The following NUP98 variants were observed in gnomAD, a reference collection of about 807,000 sequenced individuals.
NUP98 encodes the protein nuclear pore complex protein Nup98-Nup96.
A neutral mutation model predicts 191.9 loss-of-function variants in NUP98; 26 were observed. That is an observed-to-expected ratio of 0.14 (90% CI 0.10 to 0.19). The LOEUF (loss-of-function observed/expected upper bound fraction) is 0.19, where lower values mean the gene tolerates loss of function less well. Ranked by LOEUF, NUP98 falls within the 10% of genes least tolerant of loss-of-function variation. The pLI is 1.00. For missense variants in NUP98, 1,941 were observed against 2,178.8 expected (o/e 0.89, Z 2.17); for synonymous variants, 808 against 778.4 (o/e 1.04, Z -0.63).
chr11:3,688,865 T>G (rs2078216905), intron 28 of NUP98, among the ~76,000 whole-genome samples: 1 of 143,458 alleles, frequency 7.0e-6, no homozygotes, highest in African/African-American at 2.7e-5. Flanking sequence ...ACCTTGAAGA[T>G]TTGAAATGAG....
At position 3,706,638 on chromosome 11, in the gene NUP98, C is replaced by A; in HGVS notation, c.2743-11G>T. On this transcript the variant is annotated splice_polypyrimidine_tract_variant and intron_variant, in intron 20 of 32. Transcript: ENST00000324932. ...CTCTGGGCTCTGGCTCTGTAGACAG[C>A]AGAAAGATCAGGAAAGCAGCATTAA... 4 of 1,610,310 alleles carry A rather than the reference C, an allele frequency of 2.5e-6. No homozygotes were observed. The highest frequency in any genetic ancestry group is 3.4e-6 in the Non-Finnish European group (4 of 1,178,208).
chr11:3,712,739 G>C lies in NUP98; in HGVS notation c.2578-11C>G. On this transcript the variant is annotated splice_polypyrimidine_tract_variant and intron_variant, in intron 19 of 32. Coordinates refer to ENST00000324932, the MANE Select transcript of NUP98 (RefSeq NM_016320.5). ...AGAAAAATGGGAGACCTAAGGAAGA[G>C]AAGAACCCCACAAAACAACTTAAAC... is the stretch of plus-strand genomic sequence containing the variant. 2 of 1,610,640 alleles carry C rather than the reference G, an allele frequency of 1.2e-6. No homozygotes were observed. The highest frequency in any genetic ancestry group is 1.7e-6 in the Non-Finnish European group (2 of 1,179,470).
chr11:3,788,750 C>A (rs1187874961), intron 1 of NUP98, among the ~76,000 whole-genome samples: 1 of 152,076 alleles, frequency 6.6e-6, no homozygotes, highest in Non-Finnish European at 1.5e-5. Context: ...AGTTCAAGAC[C>A]AGCCTGAGAA....
At chr11:3,691,258 G>C (rs999682125) in intron 28 of NUP98, 89 bp downstream of exon 28, 2 of 1,400,676 alleles carry the variant, frequency 1.4e-6, no homozygotes, top group Non-Finnish European at 2.0e-6. Context: ...CAGCAATCTG[G>C]GGACATATAA....
At chr11:3,718,128 A>G (rs2079253294) in intron 18 of NUP98, among the ~76,000 whole-genome samples, 1 of 152,196 alleles carries the variant, frequency 6.6e-6, no homozygotes, top group Admixed American at 6.5e-5. Context: ...TTTTTGGAAG[A>G]GTCTGAGTAG....
intron 20 of NUP98, among the ~76,000 whole-genome samples, chr11:3,707,717 C>A (rs2078899504): frequency 2.7e-5 from 2 of 75,000 alleles, no homozygotes; most frequent in East Asian, 6.3e-4. Context: ...CCAGCATGGG[C>A]AACAGAATGA....
intron 22 of NUP98, among the ~76,000 whole-genome samples, 158 bp from the exon 23 acceptor site, chr11:3,703,050 T>C (rs1201789352): frequency 3.3e-5 from 5 of 152,246 alleles, no homozygotes; most frequent in Non-Finnish European, 5.9e-5. Flanking sequence ...AAGTCAGATT[T>C]TGCAGAAATT....
intron 4 of NUP98, among the ~76,000 whole-genome samples, chr11:3,776,933 T>C (rs1463414396): frequency 2.0e-5 from 3 of 152,208 alleles, no homozygotes; most frequent in African/African-American, 7.2e-5. Context: ...AATACTTTGT[T>C]TCATCATAAA....
At chr11:3,727,989 C>A (rs1036369749) in intron 14 of NUP98, among the ~76,000 whole-genome samples, 1 of 152,066 alleles carries the variant, frequency 6.6e-6, no homozygotes, top group African/African-American at 2.4e-5. Context: ...CCACCGCACT[C>A]CAGCCTGGGT....
chr11:3,693,741 A>G (rs1431799066), intron 26 of NUP98, among the ~76,000 whole-genome samples: 1 of 152,192 alleles, frequency 6.6e-6, no homozygotes, highest in Non-Finnish European at 1.5e-5. Context: ...AGAGCCATTG[A>G]GAGCAGAGAG....
chr11:3,785,433 A>C (rs1333106849), intron 1 of NUP98, among the ~76,000 whole-genome samples: 1 of 152,174 alleles, frequency 6.6e-6, no homozygotes, highest in Non-Finnish European at 1.5e-5. Flanking sequence ...ACATAATCAG[A>C]GAAAGAACAT....
intron 2 of NUP98, among the ~76,000 whole-genome samples, chr11:3,779,581 C>T (rs1430011576): frequency 2.0e-5 from 3 of 150,560 alleles, no homozygotes; most frequent in Admixed American, 6.6e-5. Flanking sequence ...GCAGAGGTTT[C>T]GGTGAGCCAA....
At chr11:3,749,711 G>C (rs984155104) in intron 11 of NUP98, among the ~76,000 whole-genome samples, 13 of 151,838 alleles carry the variant, frequency 8.6e-5, no homozygotes, top group African/African-American at 3.1e-4. Flanking sequence ...CCAACACTAT[G>C]AACAGAGAAC....
chr11:3,760,602 T>C lies in NUP98; in HGVS notation c.1111A>G (p.Thr371Ala), dbSNP rs2081131335. ...GSTLFGNNKL[T>A]TFGSSTTSAP... The stretch of plus-strand genomic sequence containing the variant: ...CTGGTTGTGCTGCTTCCAAATGTAG[T>C]AAGCTTGTTATTGCCAAACAGGGTC... Residue 371 changes from threonine (T) to alanine (A), a missense_variant, in exon 10 of 33, where the codon ACT becomes GCT. Coordinates refer to ENST00000324932, the MANE Select transcript of NUP98 (RefSeq NM_016320.5). The C allele has an allele frequency of 1.2e-6, 2 of 1,613,374 alleles. No homozygotes were observed. Among genetic ancestry groups the C allele is most frequent in the East Asian group, 4.5e-5 (2 of 44,878 alleles).
Position 3,728,015 on chromosome 11 carries a change from C to T in NUP98, c.1731-2796G>A, listed in dbSNP as rs114049450. ...CAGCCTGGGTGACAGAGTAAGACCC[C>T]GTCTCAAAAACAAAAAAATAAACCA... is the stretch of plus-strand genomic sequence containing the variant. On this transcript the variant is annotated intron_variant, in intron 14 of 32. Transcript: ENST00000324932. Among the ~76,000 whole-genome samples, 1,042 of 152,060 alleles carry T rather than the reference C, an allele frequency of 6.9e-3. 9 individuals carry two copies. The highest frequency in any genetic ancestry group is 0.024 in the African/African-American group (995 of 41,454).
rs752329342 is a variant in NUP98 at position 3,702,580 on chromosome 11, G to A, written c.3395C>T (p.Pro1132Leu). The change falls in exon 23 of 33, where the codon CCC becomes CTC. Residue 1132 changes from proline (P) to leucine (L), a missense_variant. Pro to Leu is a moderately conservative substitution (Grantham distance 98). Coordinates refer to ENST00000324932, the MANE Select transcript of NUP98 (RefSeq NM_016320.5). The part of the protein sequence containing the change: ...MGRSFRVGWG[P>L]NWTLANSGEQ... ...TCCACTATTAGCAAGAGTCCAGTTG[G>A]GGCCCCAACCAACACGAAATGAGCG... The A allele has an allele frequency of 2.5e-6, 4 of 1,613,910 alleles. No individual in the cohort carries two copies. The South Asian group carries it at 4.4e-5, about 18-fold the overall frequency.
At position 3,720,881 on chromosome 11, in the gene NUP98, A is replaced by G. The variant is rs2079367517; in HGVS notation, c.2147-56T>C. 2.4e-5 allele frequency: 18 copies of G among 744,234 alleles called. No individual in the cohort carries two copies. In the South Asian group the frequency reaches 2.9e-4, roughly 12 times the overall value. The allele number at this position is 744,234 out of a possible 1,614,324, so 46.1% of individuals were successfully genotyped here. A position where few individuals can be genotyped will look rare whatever the true frequency, so the allele number is the denominator to read the frequency against. Reference sequence around the variant, plus strand: ...AAAAAATAACCTGAAATAATCAGCAACTAAATCATCATATAAAGAGAAAAT... The same window carrying G: ...AAAAAATAACCTGAAATAATCAGCAGCTAAATCATCATATAAAGAGAAAAT... On this transcript the variant is annotated intron_variant, in intron 16 of 32. Transcript: ENST00000324932.
intron 31 of NUP98, chr11:3,679,319 C>A: frequency 1.6e-6 from 1 of 610,400 alleles, no homozygotes; most frequent in Non-Finnish European, 3.0e-6. Context: ...TATGGACAAG[C>A]CTCAGGAATG....
At chr11:3,765,644 TA>T (rs1439636423) in intron 8 of NUP98, among the ~76,000 whole-genome samples, 2 of 151,554 alleles carry the variant, frequency 1.3e-5, no homozygotes, top group African/African-American at 4.9e-5. Flanking sequence ...CACTAAAATA[TA>T]AAAAAATTAG....
Sources: allele counts gnomAD v4.1 joint callset (sites outside exome capture counted in the v4.1 genomes callset), GRCh38; gene constraint gnomAD v4.1.1; transcripts MANE v1.5; gene names NCBI Gene and HGNC (gene_info 2026-07-23, HGNC 2026-07-21).